Variants in P3R3URF observed in about 807,000 individuals in gnomAD.
The protein encoded by P3R3URF is P3R3URF protein.
A neutral mutation model predicts 8.0 loss-of-function variants in P3R3URF; 6 were observed. The ratio of observed to expected loss-of-function variants is 0.75; its 90% confidence interval spans 0.41 to 1.47. The LOEUF (loss-of-function observed/expected upper bound fraction) is 1.47, where lower values mean the gene tolerates loss of function less well. Among genes scored for constraint, P3R3URF ranks in the 40% most tolerant of loss-of-function variants. The pLI is 0.01. For synonymous variants in P3R3URF, 39 were observed against 36.7 expected (o/e 1.06, Z -0.23); for missense variants, 121 against 117.3 (o/e 1.03, Z -0.14).
In P3R3URF at chr1:46,176,216, C is replaced by G. The variant is rs956416283; in HGVS notation, c.244+12G>C. 3 of 1,534,574 alleles carry G rather than the reference C, an allele frequency of 2.0e-6. No homozygotes were observed. The highest frequency in any genetic ancestry group is 4.9e-5 in the East Asian group (2 of 40,840). The stretch of plus-strand genomic sequence containing the variant: ...TAAAACCCCACCCTGGCTCACAGGC[C>G]CCCTGGCTAACCTTGAGGTGGGAAG... On this transcript the variant is annotated intron_variant, in intron 1 of 1. Coordinates refer to ENST00000506599, the MANE Select transcript of P3R3URF (RefSeq NM_001328655.2).
In P3R3URF at chr1:46,176,430, G is replaced by A. The variant is rs1377493166; in HGVS notation, c.42C>T (p.Gly14=). The part of the protein sequence containing the change: ...SRLVRGPRPQ[G]MRSPYRRPGM... ...CTGGCCTGCGGTAGGGGGAACGCATGCCCTGGGGCCGAGGGCCACGGACAA... is the reference window on the plus strand; with the variant it reads ...CTGGCCTGCGGTAGGGGGAACGCATACCCTGGGGCCGAGGGCCACGGACAA... Residue 14 remains glycine (G), a synonymous_variant, in exon 1 of 2, where the codon GGC becomes GGT. Coordinates refer to ENST00000506599, the MANE Select transcript of P3R3URF (RefSeq NM_001328655.2). 8.5e-6 allele frequency: 13 copies of A among 1,535,664 alleles called. No homozygotes were observed. Among genetic ancestry groups the A allele is most frequent in the Non-Finnish European group, 1.1e-5 (13 of 1,146,924 alleles).
At position 46,176,462 on chromosome 1, in the gene P3R3URF, A is replaced by G; in HGVS notation, c.10T>C (p.Ser4Pro). The change falls in exon 1 of 2, where the codon TCT becomes CCT. Residue 4 changes from serine (S) to proline (P), a missense_variant. Transcript: ENST00000506599. ...GGCCGAGGGCCACGGACAAGCCGAGATGGCCCCATGGGCACAGGGAGCTTC... is the reference window on the plus strand; with the variant it reads ...GGCCGAGGGCCACGGACAAGCCGAGGTGGCCCCATGGGCACAGGGAGCTTC... Reference protein sequence around the residue: MGPSRLVRGPRPQG... With the variant: MGPPRLVRGPRPQG... 1 of 1,535,692 alleles carries G rather than the reference A, an allele frequency of 6.5e-7. No individual in the cohort carries two copies.
At chr1:46,176,195 AC>A (rs1213081961) in intron 1 of P3R3URF, 32 bp downstream of exon 1, 1 of 1,533,210 alleles carries the variant, frequency 6.5e-7, no homozygotes, top group Middle Eastern at 1.7e-4. Context: ...GTTTTTTAAA[AC>A]CCCACCCTGG....
In P3R3URF at chr1:46,175,872, G is replaced by T. The variant is rs866076247; in HGVS notation, c.245-243C>A. 7.5e-5 allele frequency: 23 copies of T among 308,108 alleles called. 1 individual carries two copies. The highest frequency in any genetic ancestry group is 8.9e-4 in the Middle Eastern group (1 of 1,122). 19.1% of individuals were successfully genotyped at this position (308,108 alleles called of 1,614,324 possible). On this transcript the variant is annotated intron_variant, in intron 1 of 1. Coordinates refer to ENST00000506599, the MANE Select transcript of P3R3URF (RefSeq NM_001328655.2). ...GGTAGGGAAATCTTCACTGGCTCTG[G>T]TTTTTTTTTTTTTTTCTTGAGACAG... is the stretch of plus-strand genomic sequence containing the variant.
intron 1 of P3R3URF, 156 bp from the exon 2 acceptor site, chr1:46,175,785 C>T: frequency 2.5e-6 from 1 of 406,394 alleles, no homozygotes; most frequent in Non-Finnish European, 4.3e-6. Flanking sequence ...ATCAGGAGTC[C>T]CCCATATATG....
In P3R3URF at chr1:46,176,360, T is replaced by C. The variant is rs1476587910; in HGVS notation, c.112A>G (p.Ser38Gly). 3 of 1,535,646 alleles carry C rather than the reference T, an allele frequency of 2.0e-6. No individual in the cohort carries two copies. In the African/African-American group the frequency reaches 4.1e-5, roughly 21 times the overall value. ...RPRFPRMFKC[S>G]RRRYQQGLRG... ...AGACCCTGTTGATATCTTCTGCGGC[T>C]ACACTTGAACATCCTGGGAAATCGG... Residue 38 changes from serine to glycine, a missense_variant, in exon 1 of 2, where the codon AGC becomes GGC. Ser to Gly is a moderately conservative substitution (Grantham distance 56). Coordinates refer to ENST00000506599, the MANE Select transcript of P3R3URF (RefSeq NM_001328655.2).
chr1:46,176,168 C>T (rs1571631739), intron 1 of P3R3URF, 60 bp downstream of exon 1: 1 of 1,528,184 alleles, frequency 6.5e-7, no homozygotes, highest in East Asian at 2.5e-5. Context: ...AGCCACCGCA[C>T]CCAGCCTAGT....
In P3R3URF at chr1:46,176,228, C is replaced by T. The variant is rs1379661925; in HGVS notation, c.244G>A (p.Val82Ile). ...TTIVWIFPPQ[V>I]LRHLRQPGIF... Reference sequence around the variant, plus strand: ...CTGGCTCACAGGCCCCCTGGCTAACCTTGAGGTGGGAAGATCCACACTATG... The same window carrying T: ...CTGGCTCACAGGCCCCCTGGCTAACTTTGAGGTGGGAAGATCCACACTATG... Residue 82 changes from valine (V) to isoleucine (I), a missense_variant and splice_region_variant, in exon 1 of 2, where the codon GTT becomes ATT. Val to Ile is a conservative substitution (Grantham distance 29, BLOSUM62 3). Coordinates refer to ENST00000506599, the MANE Select transcript of P3R3URF (RefSeq NM_001328655.2). 1 of 1,535,598 alleles carries T rather than the reference C, an allele frequency of 6.5e-7. No homozygotes were observed. Among genetic ancestry groups the T allele is most frequent in the East Asian group, 2.4e-5 (1 of 40,910 alleles).
rs192719654 is a variant in P3R3URF at position 46,176,076 on chromosome 1, C to T, written c.244+152G>A. On this transcript the variant is annotated intron_variant, in intron 1 of 1. Coordinates refer to ENST00000506599, the MANE Select transcript of P3R3URF (RefSeq NM_001328655.2). ...ATTTTTAGTAGAGATGGGATTTCAC[C>T]GTGTTAGCCAGGATGGTCTCGATCT... Among the ~76,000 whole-genome samples the T allele has an allele frequency of 5.4e-4, 82 of 152,276 alleles. 1 individual carries two copies. The highest frequency in any genetic ancestry group is 1.2e-3 in the East Asian group (6 of 5,178).
Position 46,176,216 on chromosome 1 carries a change from C to A in P3R3URF, c.244+12G>T. The A allele has an allele frequency of 6.5e-7, 1 of 1,534,574 alleles. No individual in the cohort carries two copies. The highest frequency in any genetic ancestry group is 8.7e-7 in the Non-Finnish European group (1 of 1,146,246). ...TAAAACCCCACCCTGGCTCACAGGC[C>A]CCCTGGCTAACCTTGAGGTGGGAAG... On this transcript the variant is annotated intron_variant, in intron 1 of 1. Transcript: ENST00000506599.
intron 1 of P3R3URF, 63 bp downstream of exon 1, chr1:46,176,165 G>C: frequency 6.6e-7 from 1 of 1,520,768 alleles, no homozygotes. Flanking sequence ...ATGAGCCACC[G>C]CACCCAGCCT....
Position 46,175,871 on chromosome 1 carries a change from G to GT in P3R3URF, c.245-243_245-242insA. 6 of 402,594 alleles carry GT rather than the reference G, an allele frequency of 1.5e-5. 1 individual carries two copies. The highest frequency in any genetic ancestry group is 2.2e-5 in the Non-Finnish European group (5 of 228,804). The allele number at this position is 402,594 out of a possible 1,614,324, so 24.9% of individuals were successfully genotyped here. A position where few individuals can be genotyped will look rare whatever the true frequency, so the allele number is the denominator to read the frequency against. On this transcript the variant is annotated intron_variant, in intron 1 of 1. Coordinates refer to ENST00000506599, the MANE Select transcript of P3R3URF (RefSeq NM_001328655.2). ...AGGTAGGGAAATCTTCACTGGCTCTGGTTTTTTTTTTTTTTTCTTGAGACA... is the reference window on the plus strand; with the variant it reads ...AGGTAGGGAAATCTTCACTGGCTCTGTGTTTTTTTTTTTTTTTCTTGAGACA...
In P3R3URF at chr1:46,176,274, G is replaced by GTTGATA. The variant is rs1174053387; in HGVS notation, c.192_197dup (p.Ile65_Asn66dup). 6.5e-7 allele frequency: 1 copy of GTTGATA among 1,535,690 alleles called. No individual in the cohort carries two copies. The highest frequency in any genetic ancestry group is 8.7e-7 in the Non-Finnish European group (1 of 1,146,918). The stretch of plus-strand genomic sequence containing the variant: ...CTATGGTGGTGTCAGTGTGGGTGTT[G>GTTGATA]TTGATACCCATGGCCCTGGTGGCAG... On this transcript the variant is annotated inframe_insertion, in exon 1 of 2. Coordinates refer to ENST00000506599, the MANE Select transcript of P3R3URF (RefSeq NM_001328655.2).
rs996399314 is a variant in P3R3URF, at chr1:46,176,426, G to A, written c.46C>T (p.Arg16Cys). Residue 16 changes from arginine (R) to cysteine (C), a missense_variant, in exon 1 of 2, where the codon CGT becomes TGT. Physicochemically the swap from Arg to Cys is radical, Grantham distance 180. Transcript: ENST00000506599. ...LVRGPRPQGM[R>C]SPYRRPGMGW... ...ATACCTGGCCTGCGGTAGGGGGAAC[G>A]CATGCCCTGGGGCCGAGGGCCACGG... 42 of 1,535,646 alleles carry A rather than the reference G, an allele frequency of 2.7e-5. No individual in the cohort carries two copies. The East Asian group carries it at 7.6e-4, about 28-fold the overall frequency.
intron 1 of P3R3URF, 137 bp downstream of exon 1, chr1:46,176,090 TG>T: frequency 1.1e-6 from 1 of 895,304 alleles, no homozygotes; most frequent in Non-Finnish European, 1.7e-6. Context: ...TTAGCCAGGA[TG>T]GTCTCGATCT....
chr1:46,176,275 T>A lies in P3R3URF; in HGVS notation c.197A>T (p.Asn66Ile). The part of the protein sequence containing the change: ...INPATRAMGI[N>I]NTHTDTTIVW... ...TATGGTGGTGTCAGTGTGGGTGTTG[T>A]TGATACCCATGGCCCTGGTGGCAGG... Residue 66 changes from asparagine to isoleucine, a missense_variant, in exon 1 of 2, where the codon AAC (asparagine) becomes ATC (isoleucine). Coordinates refer to ENST00000506599, the MANE Select transcript of P3R3URF (RefSeq NM_001328655.2). The A allele has an allele frequency of 6.5e-7, 1 of 1,535,774 alleles. No individual in the cohort carries two copies. The highest frequency in any genetic ancestry group is 1.2e-5 in the South Asian group (1 of 84,064).
At position 46,176,289 on chromosome 1, in the gene P3R3URF, C is replaced by T; in HGVS notation, c.183G>A (p.Arg61=). 1 of 1,535,786 alleles carries T rather than the reference C, an allele frequency of 6.5e-7. No individual in the cohort carries two copies. Among genetic ancestry groups the T allele is most frequent in the Non-Finnish European group, 8.7e-7 (1 of 1,146,924 alleles). The change falls in exon 1 of 2, where the codon AGG becomes AGA. Residue 61 remains arginine, a synonymous_variant. Coordinates refer to ENST00000506599, the MANE Select transcript of P3R3URF (RefSeq NM_001328655.2). The part of the protein sequence containing the change: ...ASSAAINPAT[R]AMGINNTHTD... ...TGTGGGTGTTGTTGATACCCATGGC[C>T]CTGGTGGCAGGATTGATGGCTGCAC...
Position 46,176,330 on chromosome 1 carries a change from C to T in P3R3URF, c.142G>A (p.Gly48Ser). The T allele has an allele frequency of 6.5e-7, 1 of 1,535,768 alleles. No individual in the cohort carries two copies. The highest frequency in any genetic ancestry group is 8.7e-7 in the Non-Finnish European group (1 of 1,146,926). Residue 48 changes from glycine to serine, a missense_variant, in exon 1 of 2, where the codon GGT becomes AGT. Transcript: ENST00000506599. ...ATGGCTGCACTGCTGGCAGTTCGAC[C>T]TCGGAGACCCTGTTGATATCTTCTG... Reference protein sequence around the residue: ...SRRRYQQGLRGRTASSAAINP... With the variant: ...SRRRYQQGLRSRTASSAAINP...
Position 46,176,349 on chromosome 1 carries a change from T to C in P3R3URF, c.123A>G (p.Arg41=). ...TTCGACCTCGGAGACCCTGTTGATA[T>C]CTTCTGCGGCTACACTTGAACATCC... ...FPRMFKCSRR[R]YQQGLRGRTA... The change falls in exon 1 of 2, where the codon AGA becomes AGG. Residue 41 remains arginine, a synonymous_variant. Transcript: ENST00000506599. 6.5e-7 allele frequency: 1 copy of C among 1,535,740 alleles called. No individual in the cohort carries two copies. Among genetic ancestry groups the C allele is most frequent in the South Asian group, 1.2e-5 (1 of 84,064 alleles).
Sources: allele counts gnomAD v4.1 joint callset (sites outside exome capture counted in the v4.1 genomes callset), GRCh38; gene constraint gnomAD v4.1.1; transcripts MANE v1.5; gene names NCBI Gene and HGNC (gene_info 2026-07-23, HGNC 2026-07-21).